Variants in GLB1L observed in about 807,000 individuals in gnomAD.
The protein encoded by GLB1L is galactosidase beta 1 like, also known as beta-galactosidase-1-like protein.
A neutral mutation model predicts 75.7 loss-of-function variants in GLB1L; 58 were observed. The observed-to-expected ratio is 0.77, with a 90% CI of 0.62 to 0.95. The LOEUF is 0.95. GLB1L is among the 40% of genes least tolerant of loss of function. The probability of loss-of-function intolerance (pLI) is 0.00; values close to 1 mark genes in which losing one functional copy is unlikely to be tolerated. For synonymous variants in GLB1L, 296 were observed against 303.0 expected (o/e 0.98, Z 0.24); for missense variants, 797 against 805.5 (o/e 0.99, Z 0.13).
At chr2:219,243,745 A>T in intron 1 of GLB1L, 102 bp from the exon 2 acceptor site, 1 of 619,306 alleles carries the variant, frequency 1.6e-6, no homozygotes, top group Non-Finnish European at 2.9e-6. Context: ...AGTTTGTAAA[A>T]TTTCTACATC....
In GLB1L at chr2:219,236,931, A is replaced by G; in HGVS notation, c.*141T>C. ...GAGGTGCCCACCATCACGCCCGGCTAATTTTTGTATTTTTAGTGGAGACGG... is the reference window on the plus strand; with the variant it reads ...GAGGTGCCCACCATCACGCCCGGCTGATTTTTGTATTTTTAGTGGAGACGG... On this transcript the variant is annotated 3_prime_UTR_variant, in exon 17 of 17. Transcript: ENST00000295759. 2 of 611,760 alleles carry G rather than the reference A, an allele frequency of 3.3e-6. No individual in the cohort carries two copies. The highest frequency in any genetic ancestry group is 2.0e-5 in the South Asian group (1 of 48,952). 37.9% of individuals were successfully genotyped at this position (611,760 alleles called of 1,614,324 possible).
In GLB1L at chr2:219,243,515, A is replaced by G. The variant is rs1951450106; in HGVS notation, c.59T>C (p.Leu20Pro). 6.2e-7 allele frequency: 1 copy of G among 1,614,102 alleles called. No individual in the cohort carries two copies. The highest frequency in any genetic ancestry group is 8.5e-7 in the Non-Finnish European group (1 of 1,180,038). Residue 20 changes from leucine to proline, a missense_variant, in exon 2 of 17, where the codon CTA (leucine) becomes CCA (proline). Physicochemically the swap from Leu to Pro is moderately conservative, Grantham distance 98. Coordinates refer to ENST00000295759, the MANE Select transcript of GLB1L (RefSeq NM_001286423.2). ...GTCTCATCTTACCTGGGGCAGCAGT[A>G]GCGTCAGGCTGAGCGGCAGCAGCAG... ...RSLLLPLSLT[L>P]LLPQADTRSF... is the part of the protein sequence containing the mutation.
Position 219,239,902 on chromosome 2 carries a change from C to T in GLB1L, c.721+18G>A. 6.2e-7 allele frequency: 1 copy of T among 1,614,158 alleles called. No homozygotes were observed. Among genetic ancestry groups the T allele is most frequent in the Non-Finnish European group, 8.5e-7 (1 of 1,180,044 alleles). ...GGTGTCCTTTCCCCAGACTCCACTCCCAGCCCTTGCTTGAGACCTGGGCCA... is the reference window on the plus strand; with the variant it reads ...GGTGTCCTTTCCCCAGACTCCACTCTCAGCCCTTGCTTGAGACCTGGGCCA... On this transcript the variant is annotated intron_variant, in intron 7 of 16. Transcript: ENST00000295759.
intron 5 of GLB1L, among the ~76,000 whole-genome samples, chr2:219,241,442 G>GTATATATATATATATATA (rs1212111892): frequency 2.4e-5 from 2 of 82,898 alleles, no homozygotes; most frequent in East Asian, 1.1e-3. Context: ...GTGTGTGTGT[G>GTATATATATATATATATA]TATATATATA....
chr2:219,242,061 C>G lies in GLB1L; in HGVS notation c.451+453G>C, dbSNP rs113830369. 5.4e-3 allele frequency among the ~76,000 whole-genome samples: 820 copies of G among 152,314 alleles called. 11 individuals are homozygous for G. Among genetic ancestry groups the G allele is most frequent in the African/African-American group, 0.018 (768 of 41,554 alleles). ...GGAGTGTAGTTGTTCAATCTCGGCT[C>G]ACTGCAACCTCTGACCCCCGGGCCC... On this transcript the variant is annotated intron_variant, in intron 5 of 16. Transcript: ENST00000295759.
rs1951351107 is a variant in GLB1L at position 219,240,174 on chromosome 2, T to C, written c.546+17A>G. ...CTTGTACCTTCTTCCCCTGCTCCAG[T>C]CACTTCCCCCTTGTACCTGAATGCT... is the stretch of plus-strand genomic sequence containing the variant. On this transcript the variant is annotated intron_variant, in intron 6 of 16. Transcript: ENST00000295759. The C allele has an allele frequency of 2.5e-6, 4 of 1,613,520 alleles. No individual in the cohort carries two copies. The highest frequency in any genetic ancestry group is 3.4e-6 in the Non-Finnish European group (4 of 1,179,518).
intron 14 of GLB1L, 39 bp downstream of exon 14, chr2:219,238,211 G>T: frequency 7.2e-7 from 1 of 1,386,616 alleles, no homozygotes; most frequent in Non-Finnish European, 1.0e-6. Context: ...CTGGGGAAGG[G>T]AGGAGTTTGG....
Position 219,242,525 on chromosome 2 carries a change from G to C in GLB1L, c.440C>G (p.Thr147Ser). ...TTGTCTCAACTCACCTGGATCTGAG[G>C]TTCTTAGATGAATTTCAGGTTTTCG... Reference protein sequence around the residue: ...LLRKPEIHLRTSDPDFLAAVD... With the variant: ...LLRKPEIHLRSSDPDFLAAVD... Residue 147 changes from threonine to serine, a missense_variant, in exon 5 of 17, where the codon ACC (threonine) becomes AGC (serine). By Grantham distance (58) the Thr-to-Ser change is moderately conservative (BLOSUM62 1). Transcript: ENST00000295759. The C allele has an allele frequency of 6.2e-7, 1 of 1,612,302 alleles. No homozygotes were observed.
Position 219,237,243 on chromosome 2 carries a change from G to T in GLB1L, c.1794C>A (p.Ala598=). The change falls in exon 17 of 17, where the codon GCC becomes GCA. Residue 598 remains alanine (A), a synonymous_variant. Transcript: ENST00000295759. ...GTTCCAGCAATGTAATTTTGTTGAG[G>T]GCTCCCCTAGGAAACAGCAGGAATC... ...VPRFLLFPRG[A]LNKITLLELE... The T allele has an allele frequency of 6.2e-7, 1 of 1,614,134 alleles. No homozygotes were observed. The highest frequency in any genetic ancestry group is 8.5e-7 in the Non-Finnish European group (1 of 1,180,022).
At chr2:219,243,473 C>G (rs1008725831) in intron 2 of GLB1L, 29 bp downstream of exon 2, 5 of 1,613,248 alleles carry the variant, frequency 3.1e-6, no homozygotes, top group Non-Finnish European at 4.2e-6. Context: ...TCACCGCACC[C>G]GGCAGGCTGG....
intron 5 of GLB1L, among the ~76,000 whole-genome samples, chr2:219,241,746 T>C (rs942656994): frequency 6.6e-6 from 1 of 151,960 alleles, no homozygotes; most frequent in Non-Finnish European, 1.5e-5. Context: ...GATGAGAACC[T>C]ACTAGAGAGG....
At position 219,242,851 on chromosome 2, in the gene GLB1L, T is replaced by A. The variant is rs764603230; in HGVS notation, c.307A>T (p.Ile103Phe). 57 of 1,614,180 alleles carry A rather than the reference T, an allele frequency of 3.5e-5. No homozygotes were observed. In the East Asian group the frequency reaches 1.2e-3, roughly 33 times the overall value. The change falls in exon 4 of 17, where the codon ATT (isoleucine) becomes TTT (phenylalanine). Residue 103 changes from isoleucine to phenylalanine, a missense_variant. Coordinates refer to ENST00000295759, the MANE Select transcript of GLB1L (RefSeq NM_001286423.2). ...AGAGCTGCCTCATTCAGAAAGGCAATGAGGTCCCGGCTGCCATTAAAGTTA... is the reference window on the plus strand; with the variant it reads ...AGAGCTGCCTCATTCAGAAAGGCAAAGAGGTCCCGGCTGCCATTAAAGTTA... ...VYNFNGSRDL[I>F]AFLNEAALAN...
chr2:219,242,933 G>A lies in GLB1L; in HGVS notation c.240-15C>T. 6.2e-7 allele frequency: 1 copy of A among 1,614,134 alleles called. No homozygotes were observed. ...AGGGCACATAACTGAGAAAGGAAGA[G>A]GTTAATAGGAACCAAGGTGAAGAGA... On this transcript the variant is annotated splice_polypyrimidine_tract_variant and intron_variant, in intron 3 of 16. Transcript: ENST00000295759.
intron 5 of GLB1L, among the ~76,000 whole-genome samples, chr2:219,241,385 AAAAC>A (rs1350039319): frequency 6.8e-6 from 1 of 147,102 alleles, no homozygotes; most frequent in Non-Finnish European, 1.5e-5. Flanking sequence ...TCTCAAAAAT[AAAAC>A]AAAATAAAAA....
chr2:219,241,111 C>T (rs991454414), intron 5 of GLB1L, among the ~76,000 whole-genome samples: 11 of 149,306 alleles, frequency 7.4e-5, no homozygotes, highest in Non-Finnish European at 1.0e-4. Flanking sequence ...CCGGGTGCGG[C>T]GGCTCACACC....
chr2:219,238,443 A>T, intron 13 of GLB1L, 52 bp downstream of exon 13: 1 of 1,572,500 alleles, frequency 6.4e-7, no homozygotes. Context: ...ACTTTTGCGT[A>T]TAGCTGTTAA....
rs1951267779 is a variant in GLB1L, at chr2:219,237,153, A to G, written c.1884T>C (p.Ser628=). The G allele has an allele frequency of 5.6e-6, 9 of 1,614,084 alleles. No individual in the cohort carries two copies. The East Asian group carries it at 1.6e-4, about 28-fold the overall frequency. ...FLDKPILNST[S]TLHRTHINSL... is the part of the protein sequence containing the mutation. ...AATTGATATGTGTCCTGTGCAAAGT[A>G]CTAGTGCTATTGAGGATAGGCTTAT... The change falls in exon 17 of 17, where the codon AGT becomes AGC. Residue 628 remains serine (S), a synonymous_variant. Transcript: ENST00000295759.
In GLB1L at chr2:219,243,329, A is replaced by C; in HGVS notation, c.73-15T>G. On this transcript the variant is annotated splice_polypyrimidine_tract_variant and intron_variant, in intron 2 of 16. Transcript: ENST00000295759. ...CGAGTGTCTGCCTATAAAGAGAAAG[A>C]GACGCTGCTCAGCAGACGCCTGGAG... 1 of 1,590,072 alleles carries C rather than the reference A, an allele frequency of 6.3e-7. No individual in the cohort carries two copies. The highest frequency in any genetic ancestry group is 8.6e-7 in the Non-Finnish European group (1 of 1,164,760).
At position 219,238,520 on chromosome 2, in the gene GLB1L, G is replaced by C. The variant is rs780637120; in HGVS notation, c.1202C>G (p.Pro401Arg). The change falls in exon 13 of 17, where the codon CCA becomes CGA. Residue 401 changes from proline (P) to arginine (R), a missense_variant. Pro to Arg is a moderately radical substitution (Grantham distance 103). Transcript: ENST00000295759. Reference protein sequence around the residue: ...CPRGPIHSILPMTFEAVKQDH... With the variant: ...CPRGPIHSILRMTFEAVKQDH... ...CTGCTTGACAGCCTCAAAGGTCATTGGCAAGATTGAATGAATGGGCCCACG... is the reference window on the plus strand; with the variant it reads ...CTGCTTGACAGCCTCAAAGGTCATTCGCAAGATTGAATGAATGGGCCCACG... The C allele has an allele frequency of 1.2e-6, 2 of 1,614,112 alleles. No individual in the cohort carries two copies. The highest frequency in any genetic ancestry group is 1.7e-6 in the Non-Finnish European group (2 of 1,179,980).
Sources: allele counts gnomAD v4.1 joint callset (sites outside exome capture counted in the v4.1 genomes callset), GRCh38; gene constraint gnomAD v4.1.1; transcripts MANE v1.5; gene names NCBI Gene and HGNC (gene_info 2026-07-23, HGNC 2026-07-21).